Variants in TMC1 observed in about 807,000 individuals in gnomAD.
TMC1 encodes transmembrane channel-like protein 1.
A neutral mutation model predicts 105.8 loss-of-function variants in TMC1; 84 were observed. The ratio of observed to expected loss-of-function variants is 0.79; its 90% CI spans 0.67 to 0.95. The LOEUF (loss-of-function observed/expected upper bound fraction) is 0.95, where lower values mean the gene tolerates loss of function less well. Ranked by LOEUF, TMC1 falls within the 40% of genes least tolerant of loss-of-function variation. TMC1 has a pLI of 0.00. For missense variants in TMC1, 817 were observed against 914.1 expected (o/e 0.89, Z 1.37); for synonymous variants, 315 against 311.5 (o/e 1.01, Z -0.12).
At chr9:72,605,649 C>T (rs1463104844) in intron 2 of TMC1, among the ~76,000 whole-genome samples, 3 of 148,244 alleles carry the variant, frequency 2.0e-5, no homozygotes, top group Non-Finnish European at 3.0e-5. Flanking sequence ...AATCTTGGCT[C>T]ACTGCAGCCT....
chr9:72,612,157 C>T (rs1309511084), intron 2 of TMC1, among the ~76,000 whole-genome samples: 1 of 152,030 alleles, frequency 6.6e-6, no homozygotes, highest in African/African-American at 2.4e-5. Context: ...TAATAATGCC[C>T]AGCTTTCTTA....
chr9:72,596,083 A>G (rs1465723012), intron 2 of TMC1, among the ~76,000 whole-genome samples: 1 of 151,358 alleles, frequency 6.6e-6, no homozygotes, highest in African/African-American at 2.4e-5. Context: ...CACCATATTG[A>G]CCAGGCTGGT....
intron 1 of TMC1, among the ~76,000 whole-genome samples, chr9:72,525,201 A>AT (rs1823385070): frequency 6.6e-6 from 1 of 152,162 alleles, no homozygotes; most frequent in Admixed American, 6.5e-5. Context: ...GAGAGGTTAC[A>AT]TTTTGCATAG....
At position 72,706,750 on chromosome 9, in the gene TMC1, ATTTCTTTCTTTTTCTTTTTC is replaced by A. The variant is rs1339929024; in HGVS notation, c.362+6121_362+6140del. Reference sequence around the variant, plus strand: ...TATCCAGGTTGCTGTGAATGCCAATATTTCTTTCTTTTTCTTTTTCTTTCTTTCTTTTTTTTTTTTTTGAG... The same window carrying A: ...TATCCAGGTTGCTGTGAATGCCAATATTTCTTTCTTTTTTTTTTTTTTGAG... On this transcript the variant is annotated intron_variant, in intron 8 of 23. Coordinates refer to ENST00000297784, the MANE Select transcript of TMC1 (RefSeq NM_138691.3). Among the ~76,000 whole-genome samples, 6 of 149,424 alleles carry A rather than the reference ATTTCTTTCTTTTTCTTTTTC, an allele frequency of 4.0e-5. No homozygotes were observed. The East Asian group carries it at 1.2e-3, about 29-fold the overall frequency.
chr9:72,790,756 T>G (rs1219210215), intron 15 of TMC1, among the ~76,000 whole-genome samples: 2 of 152,170 alleles, frequency 1.3e-5, no homozygotes, highest in Admixed American at 6.5e-5. Flanking sequence ...AAATTTGCCT[T>G]GCATAAGTTT....
chr9:72,704,058 A>G (rs1826689600), intron 8 of TMC1, among the ~76,000 whole-genome samples: 1 of 152,190 alleles, frequency 6.6e-6, no homozygotes, highest in African/African-American at 2.4e-5. Flanking sequence ...ACGTGCAGGT[A>G]AATGTTTCTC....
intron 1 of TMC1, among the ~76,000 whole-genome samples, chr9:72,566,683 G>T (rs370905436): frequency 1.3e-5 from 2 of 152,160 alleles, no homozygotes; most frequent in African/African-American, 2.4e-5. Flanking sequence ...CTCAGACTCC[G>T]ATAAAAAAGC....
Position 72,791,994 on chromosome 9 carries a change from C to A in TMC1, c.1333C>A (p.Arg445Ser). 1 of 1,613,978 alleles carries A rather than the reference C, an allele frequency of 6.2e-7. No individual in the cohort carries two copies. Among genetic ancestry groups the A allele is most frequent in the Non-Finnish European group, 8.5e-7 (1 of 1,179,922 alleles). ...PLIALKWLLG[R>S]IFALLLGNLY... is the part of the protein sequence containing the mutation. Reference sequence around the variant, plus strand: ...CATCGCTTTGAAATGGCTACTGGGACGCATTTTTGCTCTTCTTTTAGGCAA... The same window carrying A: ...CATCGCTTTGAAATGGCTACTGGGAAGCATTTTTGCTCTTCTTTTAGGCAA... The change falls in exon 16 of 24, where the codon CGC becomes AGC. Residue 445 changes from arginine (R) to serine (S), a missense_variant. Transcript: ENST00000297784.
In TMC1 at chr9:72,838,017, CCTT is replaced by C. The variant is rs2118356172; in HGVS notation, c.*2045_*2047del. The C allele has an allele frequency of 6.6e-6, 1 of 152,214 alleles. No individual in the cohort carries two copies. The highest frequency in any genetic ancestry group is 1.9e-4 in the East Asian group (1 of 5,188). The allele number at this position is 152,214 out of a possible 1,614,324, so 9.4% of individuals were successfully genotyped here. On this transcript the variant is annotated 3_prime_UTR_variant, in exon 24 of 24. Coordinates refer to ENST00000297784, the MANE Select transcript of TMC1 (RefSeq NM_138691.3). Reference sequence around the variant, plus strand: ...TTGATGCATGGATTATCTTTCTTGTCCTTATTGTAAATTCTCTGTGAGCAGGGG... The same window carrying C: ...TTGATGCATGGATTATCTTTCTTGTCATTGTAAATTCTCTGTGAGCAGGGG...
At chr9:72,610,074 C>A (rs1021696095) in intron 2 of TMC1, among the ~76,000 whole-genome samples, 1 of 152,162 alleles carries the variant, frequency 6.6e-6, no homozygotes, top group African/African-American at 2.4e-5. Context: ...ACAATACCTA[C>A]CACATAGTAG....
At chr9:72,720,948 A>G (rs545098035) in intron 8 of TMC1, among the ~76,000 whole-genome samples, 1 of 152,356 alleles carries the variant, frequency 6.6e-6, no homozygotes, top group African/African-American at 2.4e-5. Flanking sequence ...CTTATTAGCT[A>G]TATTTAACAT....
chr9:72,819,246 T>C (rs1395439582), intron 19 of TMC1, among the ~76,000 whole-genome samples: 1 of 152,204 alleles, frequency 6.6e-6, no homozygotes, highest in Non-Finnish European at 1.5e-5. Flanking sequence ...CTTTTAAAGT[T>C]TCTACCCAGC....
intron 5 of TMC1, among the ~76,000 whole-genome samples, chr9:72,670,838 A>G (rs1826117029): frequency 6.6e-6 from 1 of 152,244 alleles, no homozygotes; most frequent in Non-Finnish European, 1.5e-5. Flanking sequence ...CAACAGTAGT[A>G]TAAAGTCTGT....
At chr9:72,572,444 C>T (rs1291473259) in intron 1 of TMC1, among the ~76,000 whole-genome samples, 1 of 152,136 alleles carries the variant, frequency 6.6e-6, no homozygotes. Flanking sequence ...ATTTGCCCGC[C>T]TTGGCCTCCA....
At chr9:72,566,305 C>T (rs1564414381) in intron 1 of TMC1, among the ~76,000 whole-genome samples, 1 of 152,198 alleles carries the variant, frequency 6.6e-6, no homozygotes, top group African/African-American at 2.4e-5. Context: ...TAAACCACTA[C>T]AATCTTAAAA....
At chr9:72,612,656 T>A (rs1240377048) in intron 2 of TMC1, among the ~76,000 whole-genome samples, 1 of 152,198 alleles carries the variant, frequency 6.6e-6, no homozygotes, top group Non-Finnish European at 1.5e-5. Context: ...GGCAGTGAGC[T>A]TTGCTTTTGG....
chr9:72,739,277 T>C (rs1401242251), intron 8 of TMC1, among the ~76,000 whole-genome samples: 1 of 152,200 alleles, frequency 6.6e-6, no homozygotes, highest in African/African-American at 2.4e-5. Context: ...ATGAGGGTTC[T>C]ACCCCCATGG....
chr9:72,617,908 GGTGTGTGTGTGTGTGTGTGTGTGTGT>G (rs58657161), intron 3 of TMC1, among the ~76,000 whole-genome samples: 1 of 144,316 alleles, frequency 6.9e-6, no homozygotes, highest in Non-Finnish European at 1.5e-5. Flanking sequence ...GTCTATGTGT[GGTGTGTGTGTGTGTGTGTGTGTGTGT>G]GTGTGTGTGT....
intron 4 of TMC1, among the ~76,000 whole-genome samples, chr9:72,639,689 C>G (rs937140453): frequency 1.3e-5 from 2 of 152,076 alleles, no homozygotes; most frequent in African/African-American, 4.8e-5. Flanking sequence ...AATAAGCATT[C>G]TTAGCTAATA....
Sources: gnomAD v4.1 joint callset for allele counts (sites outside exome capture counted in the v4.1 genomes callset) on GRCh38, gnomAD v4.1.1 for gene constraint, MANE v1.5 for transcripts, NCBI Gene and HGNC (gene_info 2026-07-23, HGNC 2026-07-21) for gene names.